HS3ST4: variants seen among roughly 807,000 people sequenced by gnomAD.
The protein encoded by HS3ST4 is heparan sulfate-glucosamine 3-sulfotransferase 4.
A neutral mutation model predicts 29.2 loss-of-function variants in HS3ST4; 17 were observed. The observed-to-expected ratio is 0.58, with a 90% CI of 0.40 to 0.87. The LOEUF (loss-of-function observed/expected upper bound fraction) is 0.87, where lower values mean the gene tolerates loss of function less well. Among genes scored for constraint, HS3ST4 ranks in the 40% least tolerant of loss-of-function variants. HS3ST4 has a pLI of 0.00. For synonymous variants in HS3ST4, 314 were observed against 285.7 expected (o/e 1.10, Z -1.00); for missense variants, 627 against 634.5 (o/e 0.99, Z 0.13).
intron 1 of HS3ST4, among the ~76,000 whole-genome samples, chr16:25,703,787 G>C (rs1392946070): frequency 1.3e-5 from 2 of 151,980 alleles, no homozygotes; most frequent in Non-Finnish European, 2.9e-5. Flanking sequence ...GGAATATTCT[G>C]TCCCTAGATC....
intron 1 of HS3ST4, among the ~76,000 whole-genome samples, chr16:25,958,945 T>C (rs1156631143): frequency 6.6e-6 from 1 of 152,190 alleles, no homozygotes; most frequent in African/African-American, 2.4e-5. Context: ...TTCACCACAT[T>C]GTATCGTAAC....
At chr16:26,124,657 A>G (rs1899318834) in intron 1 of HS3ST4, among the ~76,000 whole-genome samples, 1 of 152,226 alleles carries the variant, frequency 6.6e-6, no homozygotes, top group African/African-American at 2.4e-5. Flanking sequence ...TGAGCACCAG[A>G]GAAAGTGCCA....
chr16:25,743,014 G>A (rs563685910), intron 1 of HS3ST4, among the ~76,000 whole-genome samples: 26 of 152,214 alleles, frequency 1.7e-4, no homozygotes, highest in Admixed American at 8.5e-4. Flanking sequence ...TTGAACTTCC[G>A]CAAAGCCCCT....
chr16:25,806,241 TTTG>T (rs1217825968), intron 1 of HS3ST4, among the ~76,000 whole-genome samples: 7 of 152,354 alleles, frequency 4.6e-5, no homozygotes, highest in Middle Eastern at 3.4e-3. Context: ...ATGGCACTCT[TTTG>T]TTAATTCAGC....
rs117970824 is a variant in HS3ST4, at chr16:25,865,994, C to T, written c.734+172843C>T. ...AATGAAATTGCATCCAACTAAAAGT[C>T]TTCTGCACAGCCAAGAAAATAGTCA... On this transcript the variant is annotated intron_variant, in intron 1 of 1. Transcript: ENST00000331351. Among the ~76,000 whole-genome samples the T allele has an allele frequency of 7.2e-3, 1,094 of 152,294 alleles. 6 individuals carry two copies. Among genetic ancestry groups the T allele is most frequent in the Non-Finnish European group, 0.012 (812 of 68,022 alleles).
chr16:25,714,260 C>G (rs1167214839), intron 1 of HS3ST4, among the ~76,000 whole-genome samples: 3 of 152,206 alleles, frequency 2.0e-5, no homozygotes, highest in Non-Finnish European at 4.4e-5. Context: ...CATCCTCCTT[C>G]CCGCACTGCC....
At position 25,692,174 on chromosome 16, in the gene HS3ST4, G is replaced by C. The variant is rs1279255588; in HGVS notation, c.-244G>C. 6.7e-6 allele frequency: 1 copy of C among 149,836 alleles called. No homozygotes were observed. The highest frequency in any genetic ancestry group is 1.5e-5 in the Non-Finnish European group (1 of 67,048). 9.3% of individuals were successfully genotyped at this position (149,836 alleles called of 1,614,324 possible). On this transcript the variant is annotated 5_prime_UTR_variant, in exon 1 of 2. Transcript: ENST00000331351. Reference sequence around the variant, plus strand: ...GAGGCTGAGGGGGGGGCGGTGGTGGGGGGGCCACCCGGACTCGGCGGGCAG... The same window carrying C: ...GAGGCTGAGGGGGGGGCGGTGGTGGCGGGGCCACCCGGACTCGGCGGGCAG...
At chr16:25,928,802 C>T (rs948962109) in intron 1 of HS3ST4, among the ~76,000 whole-genome samples, 11 of 152,130 alleles carry the variant, frequency 7.2e-5, no homozygotes, top group African/African-American at 2.2e-4. Context: ...TGAGCATTCT[C>T]GAATTACCAG....
At chr16:25,982,799 C>T (rs1189384649) in intron 1 of HS3ST4, among the ~76,000 whole-genome samples, 1 of 152,154 alleles carries the variant, frequency 6.6e-6, no homozygotes, top group Non-Finnish European at 1.5e-5. Flanking sequence ...CACTGCACTC[C>T]AGCCAGGGCC....
intron 1 of HS3ST4, among the ~76,000 whole-genome samples, chr16:25,772,187 A>C (rs937300258): frequency 2.2e-4 from 33 of 152,200 alleles, no homozygotes; most frequent in African/African-American, 7.7e-4. Context: ...CAAGTACTGA[A>C]AGATGGTATT....
At chr16:26,025,197 G>C (rs368929989) in intron 1 of HS3ST4, 2 of 154,350 alleles carry the variant, frequency 1.3e-5, no homozygotes, top group East Asian at 3.9e-4. Context: ...CAAGAGGAAA[G>C]GACTGTAACA....
intron 1 of HS3ST4, among the ~76,000 whole-genome samples, chr16:25,802,477 T>C (rs941523265): frequency 6.6e-6 from 1 of 152,064 alleles, no homozygotes. Flanking sequence ...ATACAACAAT[T>C]TTTTACTGTT....
At chr16:25,969,354 C>T (rs892491314) in intron 1 of HS3ST4, among the ~76,000 whole-genome samples, 23 of 152,216 alleles carry the variant, frequency 1.5e-4, no homozygotes, top group Non-Finnish European at 1.6e-4. Context: ...ACAGTTTTCT[C>T]AGATCCTGGC....
intron 1 of HS3ST4, among the ~76,000 whole-genome samples, chr16:26,044,210 A>T (rs539617698): frequency 6.6e-6 from 1 of 152,188 alleles, no homozygotes; most frequent in Admixed American, 6.5e-5. Flanking sequence ...GGTGAGTCCA[A>T]TTTCTCCATT....
chr16:25,994,816 G>A (rs896314169), intron 1 of HS3ST4, among the ~76,000 whole-genome samples: 6 of 152,192 alleles, frequency 3.9e-5, no homozygotes, highest in African/African-American at 1.4e-4. Context: ...AGAAAGCTCA[G>A]AGAATTATGC....
rs142208684 is a variant in HS3ST4, at chr16:25,977,799, C to A, written c.735-157813C>A. On this transcript the variant is annotated intron_variant, in intron 1 of 1. Transcript: ENST00000331351. Reference sequence around the variant, plus strand: ...GCTGTTGACAGCCTGATTTAAGCTCCTGTGTGGGGACGAAGTGGAACACCA... The same window carrying A: ...GCTGTTGACAGCCTGATTTAAGCTCATGTGTGGGGACGAAGTGGAACACCA... 4.8e-3 allele frequency among the ~76,000 whole-genome samples: 726 copies of A among 152,282 alleles called. 9 individuals are homozygous for A. Among genetic ancestry groups the A allele is most frequent in the African/African-American group, 0.017 (691 of 41,572 alleles).
intron 1 of HS3ST4, among the ~76,000 whole-genome samples, chr16:25,836,195 A>C (rs1967354650): frequency 6.6e-6 from 1 of 152,122 alleles, no homozygotes; most frequent in Non-Finnish European, 1.5e-5. Flanking sequence ...CCAAAATTAC[A>C]AAAAAATAAA....
intron 1 of HS3ST4, among the ~76,000 whole-genome samples, chr16:25,756,640 A>T (rs1449711784): frequency 6.6e-6 from 1 of 152,214 alleles, no homozygotes; most frequent in Non-Finnish European, 1.5e-5. Context: ...AGGCATCTGT[A>T]GCCTCTTGAA....
At chr16:26,089,795 C>T (rs573478244) in intron 1 of HS3ST4, among the ~76,000 whole-genome samples, 1 of 152,222 alleles carries the variant, frequency 6.6e-6, no homozygotes, top group South Asian at 2.1e-4. Flanking sequence ...GGGCTCGTGG[C>T]CAGTGAATTG....
Sources: gnomAD v4.1 joint callset for allele counts (sites outside exome capture counted in the v4.1 genomes callset) on GRCh38, gnomAD v4.1.1 for gene constraint, MANE v1.5 for transcripts, NCBI Gene and HGNC (gene_info 2026-07-23, HGNC 2026-07-21) for gene names.